Variants in DYNC2I1 observed in about 807,000 individuals in gnomAD.
The protein encoded by DYNC2I1 is dynein 2 intermediate chain 1, also known as cytoplasmic dynein 2 intermediate chain 1.
DYNC2I1 carries 89 observed loss-of-function variants against 133.4 expected under a neutral mutation model. That is an observed-to-expected ratio of 0.67 (90% confidence interval 0.56 to 0.80). DYNC2I1 has a LOEUF of 0.80. Among genes scored for constraint, DYNC2I1 ranks in the 30% least tolerant of loss-of-function variants. The probability of loss-of-function intolerance (pLI) is 0.00; values close to 1 mark genes in which losing one functional copy is unlikely to be tolerated. For synonymous variants in DYNC2I1, 504 were observed against 484.3 expected, an observed-to-expected ratio of 1.04 and a Z score of -0.54; for missense variants, 1,291 against 1,314.5, an observed-to-expected ratio of 0.98 and a Z score of 0.28.
intron 16 of DYNC2I1, 86 bp downstream of exon 16, chr7:158,922,635 G>A: frequency 7.4e-7 from 1 of 1,355,372 alleles, no homozygotes; most frequent in Non-Finnish European, 1.0e-6. Context: ...GAGTCACGGA[G>A]AGAGGTGCAG....
chr7:158,899,821 C>T (rs1048201349), intron 8 of DYNC2I1, among the ~76,000 whole-genome samples: 1 of 152,116 alleles, frequency 6.6e-6, no homozygotes, highest in Non-Finnish European at 1.5e-5. Context: ...ACTGTAAGTC[C>T]AATGAAACCT....
chr7:158,943,547 G>A (rs1428892578), intron 24 of DYNC2I1, among the ~76,000 whole-genome samples: 1 of 152,184 alleles, frequency 6.6e-6, no homozygotes. Context: ...CCTAGGAGAT[G>A]AGGTCTGGGT....
intron 22 of DYNC2I1, 72 bp downstream of exon 22, chr7:158,934,300 G>C (rs938034721): frequency 1.3e-5 from 20 of 1,531,884 alleles, no homozygotes; most frequent in African/African-American, 3.0e-5. Flanking sequence ...TAAATATCTT[G>C]ATTTAGGATT....
chr7:158,922,343 C>T (rs377165452), intron 15 of DYNC2I1, 34 bp from the exon 16 acceptor site: 16 of 1,591,110 alleles, frequency 1.0e-5, no homozygotes, highest in African/African-American at 4.1e-5. Context: ...TCTGGCAGGT[C>T]GTTGAAATGT....
intron 15 of DYNC2I1, among the ~76,000 whole-genome samples, chr7:158,920,577 G>A (rs532220506): frequency 1.2e-4 from 18 of 151,698 alleles, no homozygotes; most frequent in Non-Finnish European, 2.2e-4. Context: ...GGCCTCTGTC[G>A]GGGAACACGT....
intron 3 of DYNC2I1, among the ~76,000 whole-genome samples, chr7:158,872,336 A>G (rs565865994): frequency 6.6e-6 from 1 of 151,616 alleles, no homozygotes; most frequent in Non-Finnish European, 1.5e-5. Flanking sequence ...CAAAAGCTCT[A>G]AAAACCATTT....
rs1459280030 is a variant in DYNC2I1 at position 158,945,622 on chromosome 7, GT to G, written c.3045del (p.Gly1016AlafsTer20). 6.2e-7 allele frequency: 1 copy of G among 1,610,850 alleles called. No homozygotes were observed. ...GCGGTGGGTGAGCCTGAGAAGGCTG[GT>G]GGCAGCTTCCTGGCCCTGGTGCTGG... Reference protein sequence around the residue: ...MAAVGEPEKAGGSFLALVLAR... With the variant: ...MAAVGEPEKAXGSFLALVLAR... On this transcript the variant is annotated frameshift_variant, in exon 25 of 25. Transcript: ENST00000407559. LOFTEE classifies it low-confidence loss of function (END_TRUNC). This position sits in a 1 kb window ranked among gnomAD's most constrained non-coding sequence, Gnocchi z 4.1.
intron 4 of DYNC2I1, among the ~76,000 whole-genome samples, chr7:158,877,210 G>A (rs1434115915): frequency 2.7e-5 from 4 of 150,870 alleles, no homozygotes; most frequent in Non-Finnish European, 5.9e-5. Flanking sequence ...GTGCGGGTGT[G>A]TTGGTGCTCT....
downstream of DYNC2I1, among the ~76,000 whole-genome samples, chr7:158,948,448 G>C (rs183559119): frequency 6.6e-6 from 1 of 152,196 alleles, no homozygotes; most frequent in African/African-American, 2.4e-5. Context: ...TAAAACGTTC[G>C]TTACCTCACG....
At chr7:158,942,294 T>A in intron 24 of DYNC2I1, 146 bp downstream of exon 24, 1 of 658,308 alleles carries the variant, frequency 1.5e-6, no homozygotes. Flanking sequence ...TATGTTCAGT[T>A]AAAAATTAAA....
At chr7:158,915,067 A>G (rs1204713005) in intron 14 of DYNC2I1, among the ~76,000 whole-genome samples, 1 of 128,610 alleles carries the variant, frequency 7.8e-6, no homozygotes, top group African/African-American at 2.6e-5. Context: ...GTTGAGATTA[A>G]GGATGATTGT....
downstream of DYNC2I1, among the ~76,000 whole-genome samples, chr7:158,957,400 T>TAA (rs1852225149): frequency 6.6e-6 from 1 of 152,214 alleles, no homozygotes; most frequent in Non-Finnish European, 1.5e-5. Context: ...ACTACTTCTT[T>TAA]GTTTGTTTTA....
Position 158,922,738 on chromosome 7 carries a change from C to CTTG in DYNC2I1, c.2094+191_2094+193dup, listed in dbSNP as rs1196460972. Among the ~76,000 whole-genome samples the CTTG allele has an allele frequency of 7.2e-5, 11 of 152,256 alleles. No individual in the cohort carries two copies. In the East Asian group the frequency reaches 2.1e-3, roughly 29 times the overall value. The stretch of plus-strand genomic sequence containing the variant: ...GGGTGCAGCGAGACACATGGGTGTG[C>CTTG]TTGTAGTTCAGAATGAGCAAACGAG... On this transcript the variant is annotated intron_variant, in intron 16 of 24. Transcript: ENST00000407559.
intron 21 of DYNC2I1, among the ~76,000 whole-genome samples, chr7:158,933,634 T>C (rs1442913553): frequency 6.6e-6 from 1 of 152,186 alleles, no homozygotes; most frequent in Non-Finnish European, 1.5e-5. Context: ...TCTAGACCAG[T>C]GGCCTCAGTG....
intron 15 of DYNC2I1, among the ~76,000 whole-genome samples, chr7:158,920,540 G>A (rs1848962554): frequency 6.6e-6 from 1 of 152,040 alleles, no homozygotes; most frequent in Admixed American, 6.6e-5. Context: ...GGGAACTCGT[G>A]AAGTGTATGT....
intron 4 of DYNC2I1, among the ~76,000 whole-genome samples, chr7:158,952,411 G>T (rs1852080750): frequency 6.6e-6 from 1 of 152,150 alleles, no homozygotes; most frequent in East Asian, 1.9e-4. Context: ...TGGCTAAGGG[G>T]GTGCAAGAAG....
At chr7:158,911,871 C>T (rs1354226196) in intron 12 of DYNC2I1, among the ~76,000 whole-genome samples, 192 bp downstream of exon 12, 3 of 152,200 alleles carry the variant, frequency 2.0e-5, no homozygotes, top group African/African-American at 4.8e-5. Flanking sequence ...CAGGCAAAGC[C>T]GGAGGCACTC....
chr7:158,856,618 G>C lies in DYNC2I1; in HGVS notation c.-118G>C. ...GGGCCCTCTGCTGCTCCTGCTTGTC[G>C]GTTGCTAGGCGCTGGGACGCGCCTC... is the stretch of plus-strand genomic sequence containing the variant. On this transcript the variant is annotated 5_prime_UTR_variant, in exon 1 of 25. Transcript: ENST00000407559. The C allele has an allele frequency of 9.2e-7, 1 of 1,086,520 alleles. No individual in the cohort carries two copies. Among genetic ancestry groups the C allele is most frequent in the Non-Finnish European group, 1.2e-6 (1 of 855,918 alleles). The allele number at this position is 1,086,520 out of a possible 1,614,324, so 67.3% of individuals were successfully genotyped here. A position where few individuals can be genotyped will look rare whatever the true frequency, so the allele number is the denominator to read the frequency against.
chr7:158,869,946 G>A (rs1349064927), intron 2 of DYNC2I1, 38 bp downstream of exon 2: 2 of 1,585,280 alleles, frequency 1.3e-6, no homozygotes, highest in Admixed American at 1.8e-5. Context: ...ATCTGTGCAG[G>A]ACTCGTGTGG....
Sources: gnomAD v4.1 joint callset for allele counts (sites outside exome capture counted in the v4.1 genomes callset) on GRCh38, gnomAD v4.1.1 for gene constraint, Gnocchi (gnomAD v3.1) non-coding constraint, MANE v1.5 for transcripts, NCBI Gene and HGNC (gene_info 2026-07-23, HGNC 2026-07-21) for gene names.